The following EHF variants were observed in gnomAD, a reference collection of about 807,000 sequenced individuals.
EHF encodes the protein ETS homologous factor.
A neutral mutation model predicts 45.1 loss-of-function variants in EHF; 14 were observed. The ratio of observed to expected loss-of-function variants is 0.31; its 90% CI spans 0.21 to 0.49. The LOEUF is 0.49. EHF is among the 20% of genes least tolerant of loss of function. The pLI, the probability that EHF is intolerant of heterozygous loss-of-function variation, is 0.99. For synonymous variants in EHF, 136 were observed against 131.8 expected (o/e 1.03, Z -0.22); for missense variants, 282 against 371.4 (o/e 0.76, Z 1.98).
At chr11:34,650,613 C>T (rs910552125) in intron 4 of EHF, among the ~76,000 whole-genome samples, 4 of 152,120 alleles carry the variant, frequency 2.6e-5, no homozygotes, top group African/African-American at 4.8e-5. Context: ...CCTAGGTCTG[C>T]GGTGAGGAGA....
In EHF at chr11:34,637,933, G is replaced by A. The variant is rs544947999; in HGVS notation, c.-3-4695G>A. Among the ~76,000 whole-genome samples, 17 of 144,386 alleles carry A rather than the reference G, an allele frequency of 1.2e-4. No individual in the cohort carries two copies. In the South Asian group the frequency reaches 1.3e-3, roughly 11 times the overall value. 94.7% of individuals were successfully genotyped at this position (144,386 alleles called of 152,430 possible). A position where few individuals can be genotyped will look rare whatever the true frequency, so the allele number is the denominator to read the frequency against. On this transcript the variant is annotated intron_variant, in intron 1 of 8. Transcript: ENST00000257831. ...TTTTTCCTTTTTGAGTCAGAGTCTCGCTCTGTTGCCCAGGCTGGAGTACAG... is the reference window on the plus strand; with the variant it reads ...TTTTTCCTTTTTGAGTCAGAGTCTCACTCTGTTGCCCAGGCTGGAGTACAG...
chr11:34,650,765 G>C (rs536520251), intron 4 of EHF, among the ~76,000 whole-genome samples: 56 of 152,312 alleles, frequency 3.7e-4, no homozygotes, highest in African/African-American at 1.1e-3. Flanking sequence ...GTGGAGGGGA[G>C]TTCCCTTTGA....
chr11:34,647,092 CA>C (rs747841400), intron 3 of EHF, among the ~76,000 whole-genome samples: 2,688 of 142,026 alleles, frequency 0.019, 115 homozygotes, highest in East Asian at 0.079. Flanking sequence ...AAACCCCCCC[CA>C]CACACACACA....
At chr11:34,641,256 A>G (rs1431474881) in intron 1 of EHF, among the ~76,000 whole-genome samples, 1 of 152,214 alleles carries the variant, frequency 6.6e-6, no homozygotes, top group African/African-American at 2.4e-5. Flanking sequence ...AATAATCATC[A>G]TACATGTTTG....
chr11:34,628,653 G>A (rs2123650), intron 1 of EHF, among the ~76,000 whole-genome samples: 60,075 of 152,066 alleles, frequency 0.4, 15,245 homozygotes, highest in Non-Finnish European at 0.57. Flanking sequence ...AATTTGTTGA[G>A]TGCCTGCTGT....
chr11:34,655,653 G>C (rs1369929524), intron 6 of EHF, among the ~76,000 whole-genome samples: 1 of 152,196 alleles, frequency 6.6e-6, no homozygotes, highest in Admixed American at 6.5e-5. Flanking sequence ...CTGTGTCATA[G>C]AGTTATTGTG....
chr11:34,639,367 AC>A (rs1853759231), intron 1 of EHF, among the ~76,000 whole-genome samples: 2 of 152,236 alleles, frequency 1.3e-5, no homozygotes, highest in Admixed American at 1.3e-4. Flanking sequence ...ACTATATACT[AC>A]AGAAAGTCTA....
intron 6 of EHF, among the ~76,000 whole-genome samples, chr11:34,654,118 A>G (rs1343308657): frequency 6.6e-6 from 1 of 152,234 alleles, no homozygotes; most frequent in Non-Finnish European, 1.5e-5. Flanking sequence ...GCTGAATCAT[A>G]TGCAAATGCT....
At chr11:34,648,739 G>T (rs1042467425) in intron 3 of EHF, among the ~76,000 whole-genome samples, 3 of 152,072 alleles carry the variant, frequency 2.0e-5, no homozygotes, top group African/African-American at 7.2e-5. Flanking sequence ...GAAAAACTGG[G>T]CTTCTGAAGT....
chr11:34,631,860 T>G (rs1852920694), intron 1 of EHF, among the ~76,000 whole-genome samples: 1 of 152,128 alleles, frequency 6.6e-6, no homozygotes, highest in African/African-American at 2.4e-5. Context: ...GGTTTTGGTT[T>G]CGATCGTATC....
chr11:34,650,264 GAGA>G (rs570635144), intron 4 of EHF, among the ~76,000 whole-genome samples: 20 of 152,196 alleles, frequency 1.3e-4, no homozygotes, highest in Non-Finnish European at 2.6e-4. Flanking sequence ...TGGAAGGGTG[GAGA>G]AGAAGGTCCA....
intron 1 of EHF, among the ~76,000 whole-genome samples, chr11:34,641,411 C>T (rs1271026779): frequency 1.3e-5 from 2 of 152,132 alleles, no homozygotes; most frequent in African/African-American, 4.8e-5. Flanking sequence ...CTCTTCTCCC[C>T]CAATAGGCCT....
intron 6 of EHF, among the ~76,000 whole-genome samples, chr11:34,653,259 C>T (rs547004342): frequency 8.5e-5 from 13 of 152,270 alleles, no homozygotes; most frequent in African/African-American, 2.9e-4. Flanking sequence ...CCAACCACTT[C>T]CTGAGCCTCA....
intron 4 of EHF, among the ~76,000 whole-genome samples, chr11:34,651,002 G>A (rs1162434075): frequency 1.3e-5 from 2 of 152,062 alleles, no homozygotes; most frequent in African/African-American, 4.8e-5. Flanking sequence ...ATCCTAGAGG[G>A]AGGGGGCTGT....
At chr11:34,628,624 T>A (rs927220554) in intron 1 of EHF, among the ~76,000 whole-genome samples, 4 of 152,184 alleles carry the variant, frequency 2.6e-5, no homozygotes, top group Non-Finnish European at 1.5e-5. Flanking sequence ...ATGAAGATGA[T>A]AATAAGAATG....
At chr11:34,650,068 C>T (rs1223933976) in intron 4 of EHF, among the ~76,000 whole-genome samples, 2 of 152,242 alleles carry the variant, frequency 1.3e-5, no homozygotes, top group African/African-American at 2.4e-5. Flanking sequence ...CTGTGCTTTA[C>T]AGGCCTGGCC....
At chr11:34,629,219 A>ATGGCTGAATAAT (rs1436400603) in intron 1 of EHF, among the ~76,000 whole-genome samples, 2 of 152,216 alleles carry the variant, frequency 1.3e-5, no homozygotes, top group Non-Finnish European at 2.9e-5. Flanking sequence ...AACTGGAAAG[A>ATGGCTGAATAAT]TGGCTGAATA....
chr11:34,623,139 G>A (rs912380066), intron 1 of EHF, among the ~76,000 whole-genome samples: 16 of 152,068 alleles, frequency 1.1e-4, no homozygotes, highest in African/African-American at 3.6e-4. Context: ...AGCCTGGAGT[G>A]CAGTGGCATG....
chr11:34,651,397 C>G, intron 4 of EHF, 145 bp from the exon 5 acceptor site: 1 of 658,442 alleles, frequency 1.5e-6, no homozygotes, highest in Non-Finnish European at 2.6e-6. Flanking sequence ...TAAAGTAACG[C>G]AGCTGAAGCA....
Sources: gnomAD v4.1 joint callset for allele counts (sites outside exome capture counted in the v4.1 genomes callset) on GRCh38, gnomAD v4.1.1 for gene constraint, MANE v1.5 for transcripts, NCBI Gene and HGNC (gene_info 2026-07-23, HGNC 2026-07-21) for gene names.